The following WHRN variants were observed in gnomAD, a reference collection of about 807,000 sequenced individuals.
WHRN encodes the protein CASK-interacting protein CIP98.
In WHRN, 41 loss-of-function variants were observed where a neutral mutation model predicts 68.3. The observed-to-expected ratio is 0.60, with a 90% CI of 0.47 to 0.78. The LOEUF is 0.78. WHRN is among the 30% of genes least tolerant of loss of function. The pLI is 0.00. For synonymous variants in WHRN, 560 were observed against 561.3 expected (o/e 1.00, Z 0.03); for missense variants, 1,243 against 1,244.7 (o/e 1.00, Z 0.02).
chr9:114,431,682 T>C (rs565989749), intron 3 of WHRN, among the ~76,000 whole-genome samples: 1 of 152,390 alleles, frequency 6.6e-6, no homozygotes, highest in South Asian at 2.1e-4. Flanking sequence ...CTAAGAGCTC[T>C]GTTTGTTTGT....
chr9:114,476,009 G>A (rs923237798), intron 2 of WHRN, among the ~76,000 whole-genome samples: 3 of 152,122 alleles, frequency 2.0e-5, no homozygotes, highest in South Asian at 4.1e-4. Flanking sequence ...CTGTTGCTCA[G>A]GCTAGAGTAC....
At chr9:114,405,015 G>A (rs1225970857) in intron 9 of WHRN, among the ~76,000 whole-genome samples, 1 of 151,572 alleles carries the variant, frequency 6.6e-6, no homozygotes, top group Non-Finnish European at 1.5e-5. Context: ...CAGGTGTGGT[G>A]GAATTTCTCT....
chr9:114,485,272 G>T (rs184755002), intron 1 of WHRN, among the ~76,000 whole-genome samples: 1 of 152,314 alleles, frequency 6.6e-6, no homozygotes, highest in South Asian at 2.1e-4. Context: ...CTTCGCAGCC[G>T]CACCTTGCCT....
chr9:114,434,473 T>A (rs371305044), intron 3 of WHRN, among the ~76,000 whole-genome samples: 2 of 152,182 alleles, frequency 1.3e-5, no homozygotes, highest in South Asian at 4.1e-4. Flanking sequence ...ATGTGACTAA[T>A]GGCCACCATC....
intron 1 of WHRN, among the ~76,000 whole-genome samples, chr9:114,498,108 T>C (rs1202724992): frequency 6.6e-6 from 1 of 152,194 alleles, no homozygotes; most frequent in Non-Finnish European, 1.5e-5. Context: ...AGCGCTGGAT[T>C]AGGAGCAAGA....
At chr9:114,487,553 A>G (rs895747310) in intron 1 of WHRN, among the ~76,000 whole-genome samples, 2 of 152,160 alleles carry the variant, frequency 1.3e-5, no homozygotes, top group East Asian at 3.8e-4. Context: ...ATCAATGGAC[A>G]TTTAGGGTGT....
At chr9:114,420,071 T>A (rs1377824246) in intron 7 of WHRN, among the ~76,000 whole-genome samples, 2 of 152,184 alleles carry the variant, frequency 1.3e-5, no homozygotes, top group Non-Finnish European at 2.9e-5. Flanking sequence ...CAGCCGCTCC[T>A]GGGGAGGAAG....
Position 114,435,994 on chromosome 9 carries a change from G to A in WHRN, c.964-9581C>T, listed in dbSNP as rs540779233. Among the ~76,000 whole-genome samples the A allele has an allele frequency of 2.2e-4, 34 of 152,220 alleles. No individual in the cohort carries two copies. The South Asian group carries it at 6.8e-3, about 31-fold the overall frequency. ...ATCGGCTCTCTCTCAGCTCACTTAT[G>A]TATTTAACATTATCCCAACAAAAAC... is the stretch of plus-strand genomic sequence containing the variant. On this transcript the variant is annotated intron_variant, in intron 3 of 11. Transcript: ENST00000362057.
At chr9:114,466,117 G>A in intron 3 of WHRN, 150 bp downstream of exon 3, 1 of 1,251,352 alleles carries the variant, frequency 8.0e-7, no homozygotes, top group Non-Finnish European at 1.1e-6. Flanking sequence ...GCTGTGAGCT[G>A]TGAATTTAGA....
chr9:114,418,207 T>G (rs1695450061), intron 7 of WHRN, among the ~76,000 whole-genome samples: 1 of 151,992 alleles, frequency 6.6e-6, no homozygotes, highest in South Asian at 2.1e-4. Flanking sequence ...CAGCAGTCGC[T>G]CCTGAGGAAG....
chr9:114,426,926 A>G (rs1330659807), intron 3 of WHRN, among the ~76,000 whole-genome samples: 1 of 152,260 alleles, frequency 6.6e-6, no homozygotes, highest in Non-Finnish European at 1.5e-5. Context: ...AAAGCAGTAC[A>G]TATGGCTTAG....
chr9:114,456,940 T>C (rs1371872301), intron 3 of WHRN, among the ~76,000 whole-genome samples: 1 of 152,116 alleles, frequency 6.6e-6, no homozygotes, highest in South Asian at 2.1e-4. Flanking sequence ...GAAAAAGCTA[T>C]AAGTAAGGAA....
At chr9:114,484,839 T>A (rs1842357241) in intron 1 of WHRN, among the ~76,000 whole-genome samples, 1 of 152,218 alleles carries the variant, frequency 6.6e-6, no homozygotes, top group Non-Finnish European at 1.5e-5. Context: ...CTCACTCAGC[T>A]CTTTGGAGCC....
intron 1 of WHRN, chr9:114,491,742 G>T: frequency 3.7e-6 from 1 of 270,980 alleles, no homozygotes. Context: ...AACCCAAGTA[G>T]CTTTGTGCTT....
chr9:114,434,076 A>T (rs922672239), intron 3 of WHRN, among the ~76,000 whole-genome samples: 1 of 152,246 alleles, frequency 6.6e-6, no homozygotes, highest in African/African-American at 2.4e-5. Flanking sequence ...CCCAAAGGAA[A>T]ATCTGGCTTC....
chr9:114,416,159 G>A (rs1835802609), intron 7 of WHRN, among the ~76,000 whole-genome samples: 1 of 152,214 alleles, frequency 6.6e-6, no homozygotes, highest in African/African-American at 2.4e-5. Context: ...TCCTTGGGCA[G>A]GGGCTGGGAG....
intron 1 of WHRN, among the ~76,000 whole-genome samples, chr9:114,486,814 CAAAAAAAAAAAA>C (rs59992011): frequency 1.4e-5 from 1 of 71,212 alleles, no homozygotes; most frequent in African/African-American, 5.9e-5. Flanking sequence ...GCTTCCCAGG[CAAAAAAAAAAAA>C]AAAAAAAGAG....
rs1282228450 is a variant in WHRN, at chr9:114,504,945, G to T, written c.-144C>A. The T allele has an allele frequency of 2.5e-6, 3 of 1,215,576 alleles. No individual in the cohort carries two copies. Among genetic ancestry groups the T allele is most frequent in the Admixed American group, 4.2e-5 (1 of 23,770 alleles). 75.3% of individuals were successfully genotyped at this position (1,215,576 alleles called of 1,614,324 possible). On this transcript the variant is annotated 5_prime_UTR_variant, in exon 1 of 12. Transcript: ENST00000362057. ...GGGTTTGGGGAGCACGGGTACAGTG[G>T]CTGGATCCTAGGGGGTCGCGGAGAC...
At chr9:114,433,056 G>A (rs1448680929) in intron 3 of WHRN, among the ~76,000 whole-genome samples, 1 of 152,204 alleles carries the variant, frequency 6.6e-6, no homozygotes, top group Admixed American at 6.5e-5. Context: ...GGGAAGTAGA[G>A]TCATTAAGAG....
Sources: allele counts gnomAD v4.1 joint callset (sites outside exome capture counted in the v4.1 genomes callset), GRCh38; gene constraint gnomAD v4.1.1; transcripts MANE v1.5; gene names NCBI Gene and HGNC (gene_info 2026-07-23, HGNC 2026-07-21).